NCOA1: variants seen among roughly 807,000 people sequenced by gnomAD.
The protein encoded by NCOA1 is Hin-2 protein.
A neutral mutation model predicts 150.9 loss-of-function variants in NCOA1; 35 were observed. The observed-to-expected ratio is 0.23, with a 90% CI of 0.18 to 0.31. The LOEUF is 0.31. NCOA1 is among the 10% of genes least tolerant of loss of function. The pLI is 1.00. For synonymous variants in NCOA1, 590 were observed against 630.0 expected, an observed-to-expected ratio of 0.94 and a Z score of 0.95; for missense variants, 1,491 against 1,749.3, an observed-to-expected ratio of 0.85 and a Z score of 2.63.
chr2:24,536,013 G>A (rs1463811786), intron 1 of NCOA1, among the ~76,000 whole-genome samples: 1 of 152,140 alleles, frequency 6.6e-6, no homozygotes, highest in Non-Finnish European at 1.5e-5. Context: ...CTAGGTTGGG[G>A]ACATTCTCCT....
At chr2:24,613,554 G>T (rs866432301) in intron 3 of NCOA1, among the ~76,000 whole-genome samples, 1 of 152,210 alleles carries the variant, frequency 6.6e-6, no homozygotes, top group African/African-American at 2.4e-5. Flanking sequence ...CTCTACACAG[G>T]CAGGGGTGGA....
chr2:24,534,171 G>T (rs1328420828), intron 1 of NCOA1, among the ~76,000 whole-genome samples: 1 of 152,084 alleles, frequency 6.6e-6, no homozygotes, highest in African/African-American at 2.4e-5. Flanking sequence ...TTTAGTCTTG[G>T]GAAGGTGTAT....
chr2:24,726,544 T>C (rs770224485), intron 14 of NCOA1, 45 bp from the exon 15 acceptor site: 2 of 1,190,846 alleles, frequency 1.7e-6, no homozygotes, highest in African/African-American at 3.1e-5. Context: ...CATCATTTTA[T>C]CCTCCACTGA....
chr2:24,699,705 T>C (rs1212913389), intron 11 of NCOA1, among the ~76,000 whole-genome samples: 1 of 152,254 alleles, frequency 6.6e-6, no homozygotes, highest in Non-Finnish European at 1.5e-5. Context: ...CCTTTTTTGA[T>C]ATTTTCTATT....
At chr2:24,605,585 A>G (rs1031675703) in intron 3 of NCOA1, among the ~76,000 whole-genome samples, 1 of 152,136 alleles carries the variant, frequency 6.6e-6, no homozygotes, top group African/African-American at 2.4e-5. Context: ...CCCTTCCTAG[A>G]AGTAGAATTG....
At chr2:24,552,718 T>A (rs1665911501) in intron 1 of NCOA1, among the ~76,000 whole-genome samples, 1 of 152,098 alleles carries the variant, frequency 6.6e-6, no homozygotes, top group Admixed American at 6.6e-5. Context: ...TTATATTCTA[T>A]CTCTTTTTAA....
At chr2:24,681,992 G>T (rs1383364284) in intron 7 of NCOA1, among the ~76,000 whole-genome samples, 1 of 152,204 alleles carries the variant, frequency 6.6e-6, no homozygotes. Flanking sequence ...GGGATTACAG[G>T]CGTGAGACAC....
chr2:24,706,489 G>A, intron 12 of NCOA1, 79 bp from the exon 13 acceptor site: 1 of 1,425,124 alleles, frequency 7.0e-7, no homozygotes, highest in Non-Finnish European at 9.3e-7. Context: ...CAATGGTCTT[G>A]TTTTAGAATA....
intron 5 of NCOA1, among the ~76,000 whole-genome samples, chr2:24,661,370 AT>A (rs1383231287): frequency 2.0e-5 from 3 of 151,380 alleles, no homozygotes; most frequent in Non-Finnish European, 4.4e-5. Context: ...TTGTTCTTTT[AT>A]TTTTTGTTTC....
intron 2 of NCOA1, among the ~76,000 whole-genome samples, chr2:24,575,319 C>T (rs1162373519): frequency 6.6e-6 from 1 of 152,090 alleles, no homozygotes; most frequent in Non-Finnish European, 1.5e-5. Flanking sequence ...TCCAATTGGG[C>T]CTAAAAACAG....
At chr2:24,619,647 GAGAT>G (rs889993839) in intron 3 of NCOA1, among the ~76,000 whole-genome samples, 2 of 152,158 alleles carry the variant, frequency 1.3e-5, no homozygotes, top group African/African-American at 4.8e-5. Context: ...TTTTCAGTAA[GAGAT>G]AGAATACTTA....
chr2:24,665,605 G>A (rs1464910717), intron 5 of NCOA1, 144 bp from the exon 6 acceptor site: 4 of 673,286 alleles, frequency 5.9e-6, no homozygotes, highest in African/African-American at 5.6e-5. Flanking sequence ...CTTTTTAGAT[G>A]TGAATTTATA....
chr2:24,647,836 G>C (rs1024567613), intron 4 of NCOA1, among the ~76,000 whole-genome samples: 1 of 152,158 alleles, frequency 6.6e-6, no homozygotes, highest in South Asian at 2.1e-4. Context: ...GCCTATAGTC[G>C]AAATATTTGA....
chr2:24,566,546 C>T (rs1337399956), intron 2 of NCOA1, among the ~76,000 whole-genome samples: 1 of 152,182 alleles, frequency 6.6e-6, no homozygotes, highest in Non-Finnish European at 1.5e-5. Context: ...TGAGTGGGCC[C>T]AGAAAAAGCA....
At chr2:24,588,690 C>G (rs1286726245) in intron 3 of NCOA1, among the ~76,000 whole-genome samples, 1 of 152,208 alleles carries the variant, frequency 6.6e-6, no homozygotes, top group Non-Finnish European at 1.5e-5. Context: ...CCCACACCCC[C>G]AGGCCCTTCT....
chr2:24,763,694 C>T (rs1233000467), intron 22 of NCOA1, among the ~76,000 whole-genome samples: 10 of 128,198 alleles, frequency 7.8e-5, no homozygotes, highest in Non-Finnish European at 7.9e-5. Context: ...GATCTTGGCT[C>T]ACTGCAACCT....
At chr2:24,700,463 A>T (rs1673108060) in intron 11 of NCOA1, among the ~76,000 whole-genome samples, 1 of 152,152 alleles carries the variant, frequency 6.6e-6, no homozygotes, top group African/African-American at 2.4e-5. Flanking sequence ...TTCTAGTTTT[A>T]GTTTAGTTTT....
chr2:24,691,369 T>G, intron 8 of NCOA1, 112 bp from the exon 9 acceptor site: 1 of 963,976 alleles, frequency 1.0e-6, no homozygotes, highest in Non-Finnish European at 1.6e-6. Flanking sequence ...TCAGTCTGTC[T>G]TTTAATCTGA....
At chr2:24,625,998 T>TA (rs1669391874) in intron 3 of NCOA1, among the ~76,000 whole-genome samples, 1 of 152,230 alleles carries the variant, frequency 6.6e-6, no homozygotes, top group African/African-American at 2.4e-5. Flanking sequence ...TATAGTGTTC[T>TA]AAAAATGTCA....
Sources: gnomAD v4.1 joint callset for allele counts (sites outside exome capture counted in the v4.1 genomes callset) on GRCh38, gnomAD v4.1.1 for gene constraint, MANE v1.5 for transcripts, NCBI Gene and HGNC (gene_info 2026-07-23, HGNC 2026-07-21) for gene names.